Variants in RAB40A observed in about 807,000 individuals in gnomAD.
RAB40A encodes the protein RAB40A, member RAS oncogene family.
For synonymous variants in RAB40A, 65 were observed against 99.9 expected, an observed-to-expected ratio of 0.65 and a Z score of 2.08; for missense variants, 145 against 230.2, an observed-to-expected ratio of 0.63 and a Z score of 2.40.
At position 103,499,802 on chromosome X, in the gene RAB40A, G is replaced by C; in HGVS notation, c.*121C>G. The C allele has an allele frequency of 6.0e-6, 5 of 837,462 alleles. No homozygotes were observed. The highest frequency in any genetic ancestry group is 8.8e-6 in the Non-Finnish European group (5 of 569,915). 69.0% of individuals were successfully genotyped at this position (837,462 alleles called of 1,213,427 possible). A position where few individuals can be genotyped will look rare whatever the true frequency, so the allele number is the denominator to read the frequency against. ...AAGGCATCACACACATTCCCAAGCA[G>C]CATGGTTCCCGTGAGAAACTGAAAA... On this transcript the variant is annotated 3_prime_UTR_variant, in exon 3 of 3. Coordinates refer to ENST00000304236, the MANE Select transcript of RAB40A (RefSeq NM_080879.3).
intron 2 of RAB40A, among the ~76,000 whole-genome samples, chrX:103,504,402 G>A (rs1446258200): frequency 9.0e-6 from 1 of 111,584 alleles, no homozygotes; most frequent in Non-Finnish European, 1.9e-5. Context: ...CTTATTTTTT[G>A]GAAGACAGCA....
chrX:103,514,730 GTTTC>G (rs760882824), intron 2 of RAB40A, among the ~76,000 whole-genome samples: 5 of 111,605 alleles, frequency 4.5e-5, no homozygotes, highest in South Asian at 3.8e-4. Flanking sequence ...CTTTTTGTAA[GTTTC>G]TTTATGTCTA....
At chrX:103,502,992 A>C (rs1245649095) in intron 2 of RAB40A, 49 of 761,082 alleles carry the variant, frequency 6.4e-5, no homozygotes, top group Non-Finnish European at 7.4e-5. Context: ...GTTTCTACTA[A>C]TGAGAACACA....
intron 2 of RAB40A, among the ~76,000 whole-genome samples, chrX:103,507,975 G>A (rs1301048180): frequency 1.8e-5 from 2 of 111,948 alleles, no homozygotes; most frequent in Non-Finnish European, 1.9e-5. Context: ...AATGTTTATT[G>A]TTCATGTATA....
At chrX:103,503,347 G>A in intron 2 of RAB40A, 1 of 752,986 alleles carries the variant, frequency 1.3e-6, no homozygotes, top group African/African-American at 2.3e-5. Flanking sequence ...AATGGGAGGA[G>A]GTCTGGGAAG....
intron 2 of RAB40A, among the ~76,000 whole-genome samples, chrX:103,508,209 G>A (rs1476543843): frequency 8.9e-6 from 1 of 111,850 alleles, no homozygotes; most frequent in East Asian, 2.8e-4. Flanking sequence ...TCACCCAGAG[G>A]GGTTGTAGAG....
At chrX:103,519,192 A>AT (rs1037261127) in intron 1 of RAB40A, among the ~76,000 whole-genome samples, 178 bp downstream of exon 1, 6 of 111,748 alleles carry the variant, frequency 5.4e-5, no homozygotes, top group African/African-American at 1.6e-4. Flanking sequence ...ATTTTGTTAA[A>AT]TTTTTTTATT....
chrX:103,500,773 T>C lies in RAB40A; in HGVS notation c.-17A>G, dbSNP rs776373569. On this transcript the variant is annotated 5_prime_UTR_variant, in exon 3 of 3. Transcript: ENST00000304236. ...GGCGCTCATGGTGCTGGCCCCGCACTCCCGCCTGAGCCAGGCCCGCGGGGT... is the reference window on the plus strand; with the variant it reads ...GGCGCTCATGGTGCTGGCCCCGCACCCCCGCCTGAGCCAGGCCCGCGGGGT... 10 of 1,201,057 alleles carry C rather than the reference T, an allele frequency of 8.3e-6. No homozygotes were observed. Among genetic ancestry groups the C allele is most frequent in the East Asian group, 3.0e-5 (1 of 33,665 alleles).
intron 2 of RAB40A, among the ~76,000 whole-genome samples, chrX:103,504,059 C>T (rs2073242288): frequency 9.0e-6 from 1 of 111,730 alleles, no homozygotes; most frequent in Non-Finnish European, 1.9e-5. Flanking sequence ...AGGCTATTAT[C>T]CTAAGTAAAT....
chrX:103,513,124 T>C (rs1292306004), intron 2 of RAB40A, among the ~76,000 whole-genome samples: 4 of 112,182 alleles, frequency 3.6e-5, no homozygotes, highest in Non-Finnish European at 7.5e-5. Context: ...GTCTCTCAGA[T>C]GAACCTCACA....
At chrX:103,497,178 G>A (rs1436714875), downstream of RAB40A, among the ~76,000 whole-genome samples, 19 of 111,743 alleles carry the variant, frequency 1.7e-4, no homozygotes, top group Admixed American at 1.8e-3. Flanking sequence ...ATGATAAGAG[G>A]CTCTCTCAGG....
chrX:103,515,314 C>T (rs1019043493), intron 2 of RAB40A, among the ~76,000 whole-genome samples: 4 of 112,280 alleles, frequency 3.6e-5, no homozygotes, highest in East Asian at 2.8e-4. Flanking sequence ...TAAAAAGTAA[C>T]GAAGTGATTA....
At chrX:103,511,669 C>G (rs939342675) in intron 2 of RAB40A, among the ~76,000 whole-genome samples, 7 of 107,847 alleles carry the variant, frequency 6.5e-5, no homozygotes, top group African/African-American at 2.4e-4. Context: ...GACACAGGGA[C>G]GGGAACATCA....
intron 1 of RAB40A, among the ~76,000 whole-genome samples, chrX:103,517,959 T>C (rs1383507602): frequency 9.0e-6 from 1 of 111,288 alleles, no homozygotes; most frequent in Non-Finnish European, 1.9e-5. Flanking sequence ...AGAGCTGCTG[T>C]TGTCCCATAC....
intron 2 of RAB40A, chrX:103,503,227 C>T: frequency 6.6e-6 from 5 of 753,372 alleles, no homozygotes; most frequent in Non-Finnish European, 6.3e-6. Context: ...CATGAAACAC[C>T]AGGTAGCACT....
At position 103,499,920 on chromosome X, in the gene RAB40A, T is replaced by G. The variant is rs750346416; in HGVS notation, c.*3A>C. The G allele has an allele frequency of 7.8e-5, 94 of 1,206,725 alleles. No homozygotes were observed. The East Asian group carries it at 2.4e-3, about 31-fold the overall frequency. On this transcript the variant is annotated 3_prime_UTR_variant, in exon 3 of 3. Coordinates refer to ENST00000304236, the MANE Select transcript of RAB40A (RefSeq NM_080879.3). Reference sequence around the variant, plus strand: ...TCCAGCTTGTTTCCTTTTGGTGCCTTCCTTAAGAAATTTTGCAGCTGTTTC... The same window carrying G: ...TCCAGCTTGTTTCCTTTTGGTGCCTGCCTTAAGAAATTTTGCAGCTGTTTC...
At chrX:103,516,521 T>A (rs1032234899) in intron 2 of RAB40A, among the ~76,000 whole-genome samples, 2 of 111,202 alleles carry the variant, frequency 1.8e-5, no homozygotes. Context: ...CAAATGCCCA[T>A]TTTTGACCTA....
intron 2 of RAB40A, among the ~76,000 whole-genome samples, chrX:103,504,767 C>T (rs1316846260): frequency 7.1e-5 from 8 of 112,037 alleles, no homozygotes; most frequent in African/African-American, 1.9e-4. Flanking sequence ...TGAGATCCAC[C>T]CGCCTCAGCC....
chrX:103,519,004 A>G (rs2073329385), intron 1 of RAB40A, among the ~76,000 whole-genome samples: 2 of 111,898 alleles, frequency 1.8e-5, no homozygotes, highest in Non-Finnish European at 3.8e-5. Flanking sequence ...GAAATTTTAT[A>G]ATGGATGGAT....
Sources: gnomAD v4.1 joint callset for allele counts (sites outside exome capture counted in the v4.1 genomes callset) on GRCh38, gnomAD v4.1.1 for gene constraint, MANE v1.5 for transcripts, NCBI Gene and HGNC (gene_info 2026-07-23, HGNC 2026-07-21) for gene names.